The following RBFOX1 variants were observed in gnomAD, a reference collection of about 807,000 sequenced individuals.
The protein encoded by RBFOX1 is RNA binding protein fox-1 homolog 1.
In RBFOX1, 8 loss-of-function variants were observed where a neutral mutation model predicts 57.7. That is an observed-to-expected ratio of 0.14 (90% CI 0.08 to 0.25). The LOEUF is 0.25. RBFOX1 is among the 10% of genes least tolerant of loss of function. The pLI, the probability that RBFOX1 is intolerant of heterozygous loss-of-function variation, is 1.00. For synonymous variants in RBFOX1, 326 were observed against 222.4 expected, an observed-to-expected ratio of 1.47 and a Z score of -4.15; for missense variants, 611 against 548.5, an observed-to-expected ratio of 1.11 and a Z score of -1.14.
chr16:7,313,386 TCTCCATTTAGAGTACGTGACTCAGGATTC>T (rs1191241545), intron 4 of RBFOX1, among the ~76,000 whole-genome samples: 5 of 151,864 alleles, frequency 3.3e-5, no homozygotes, highest in Non-Finnish European at 7.4e-5. Context: ...CCACTGGGGG[TCTCCATTTAGAGTACGTGACTCAGGATTC>T]CTGAAGACTT....
intron 2 of RBFOX1, among the ~76,000 whole-genome samples, chr16:6,404,544 A>G (rs1157322734): frequency 1.3e-5 from 2 of 152,084 alleles, no homozygotes; most frequent in Non-Finnish European, 2.9e-5. Flanking sequence ...CTACTCTAAT[A>G]TTTCATGCCA....
intron 3 of RBFOX1, among the ~76,000 whole-genome samples, chr16:5,727,304 A>T (rs554025305): frequency 6.6e-6 from 1 of 152,048 alleles, no homozygotes; most frequent in South Asian, 2.1e-4. Flanking sequence ...AACAAATAAA[A>T]CCATGATGTG....
intron 3 of RBFOX1, among the ~76,000 whole-genome samples, chr16:7,003,516 T>C (rs1309817596): frequency 6.6e-6 from 1 of 151,348 alleles, no homozygotes; most frequent in Non-Finnish European, 1.5e-5. Context: ...CCCTGTTAAA[T>C]CCTGCTCTCA....
At chr16:6,223,358 A>G (rs1316321948) in intron 1 of RBFOX1, among the ~76,000 whole-genome samples, 1 of 148,398 alleles carries the variant, frequency 6.7e-6, no homozygotes, top group African/African-American at 2.5e-5. Flanking sequence ...CCTCTCCAGC[A>G]CCTGTTGTTT....
intron 2 of RBFOX1, among the ~76,000 whole-genome samples, chr16:6,600,802 A>G (rs1477540717): frequency 6.6e-6 from 1 of 152,042 alleles, no homozygotes; most frequent in Non-Finnish European, 1.5e-5. Flanking sequence ...GGACATAGTC[A>G]ATGTAAGAAA....
At chr16:5,818,522 T>C (rs2342745) in intron 3 of RBFOX1, among the ~76,000 whole-genome samples, 102,178 of 152,118 alleles carry the variant, frequency 0.67, 34,452 homozygotes, top group South Asian at 0.7. Context: ...CCTTCTGAAA[T>C]CCGTCTCGGA....
chr16:6,958,092 G>A (rs984057211), intron 3 of RBFOX1, among the ~76,000 whole-genome samples: 2 of 150,498 alleles, frequency 1.3e-5, no homozygotes, highest in East Asian at 1.9e-4. Context: ...TAAAGGCAGC[G>A]GCTTGTGAGC....
At chr16:5,819,906 C>G (rs1292678660) in intron 3 of RBFOX1, among the ~76,000 whole-genome samples, 1 of 152,214 alleles carries the variant, frequency 6.6e-6, no homozygotes, top group Non-Finnish European at 1.5e-5. Flanking sequence ...TCACTCACCT[C>G]CGTTAGAGAG....
intron 2 of RBFOX1, among the ~76,000 whole-genome samples, chr16:6,554,793 G>C (rs530644367): frequency 8.1e-5 from 12 of 148,216 alleles, no homozygotes; most frequent in Non-Finnish European, 1.5e-4. Context: ...CACACACACA[G>C]ACACACACAG....
At chr16:7,330,995 T>C (rs1004406717) in intron 4 of RBFOX1, among the ~76,000 whole-genome samples, 3 of 152,150 alleles carry the variant, frequency 2.0e-5, no homozygotes, top group Admixed American at 6.5e-5. Flanking sequence ...GCAGCTGTTA[T>C]GGGAGCTTTT....
chr16:7,174,036 T>A (rs563556555), intron 4 of RBFOX1, among the ~76,000 whole-genome samples: 7 of 152,196 alleles, frequency 4.6e-5, no homozygotes, highest in Admixed American at 1.3e-4. Flanking sequence ...TAAACAAATA[T>A]TTATTGAGCA....
At chr16:5,982,372 C>A (rs1185331638) in intron 4 of RBFOX1, among the ~76,000 whole-genome samples, 1 of 151,946 alleles carries the variant, frequency 6.6e-6, no homozygotes, top group Non-Finnish European at 1.5e-5. Context: ...CTTCTGGGTT[C>A]AAGCAGTTTT....
intron 4 of RBFOX1, among the ~76,000 whole-genome samples, chr16:7,084,971 T>C (rs566389357): frequency 1.4e-4 from 21 of 152,266 alleles, no homozygotes; most frequent in South Asian, 8.3e-4. Context: ...TCTGTCTGTC[T>C]GTCTGTCCAT....
At chr16:5,814,412 G>C (rs1347860040) in intron 3 of RBFOX1, among the ~76,000 whole-genome samples, 1 of 152,142 alleles carries the variant, frequency 6.6e-6, no homozygotes, top group African/African-American at 2.4e-5. Context: ...CTCTTCCGAA[G>C]AATTATACCC....
chr16:5,670,880 G>C (rs1377088233), intron 3 of RBFOX1, among the ~76,000 whole-genome samples: 3 of 152,158 alleles, frequency 2.0e-5, no homozygotes, highest in Admixed American at 2.0e-4. Flanking sequence ...TCTCACTCCA[G>C]CCCTGAAAGG....
chr16:6,592,233 G>A (rs111952820), intron 2 of RBFOX1, among the ~76,000 whole-genome samples: 2,035 of 152,270 alleles, frequency 0.013, 16 homozygotes, highest in Non-Finnish European at 0.016. Flanking sequence ...ACCAGCCATT[G>A]GGCTTTCTTT....
chr16:6,057,704 G>C (rs1245210433), intron 1 of RBFOX1, among the ~76,000 whole-genome samples: 1 of 152,006 alleles, frequency 6.6e-6, no homozygotes, highest in Non-Finnish European at 1.5e-5. Context: ...TGAAGATGTT[G>C]GTGTCCTTGG....
At chr16:6,882,464 C>T (rs143395845) in intron 3 of RBFOX1, among the ~76,000 whole-genome samples, 8 of 152,156 alleles carry the variant, frequency 5.3e-5, no homozygotes, top group East Asian at 1.9e-4. Context: ...CATGGTGGTA[C>T]GTGCTTGTAA....
At chr16:7,088,280 A>C (rs1475314529) in intron 4 of RBFOX1, among the ~76,000 whole-genome samples, 1 of 152,190 alleles carries the variant, frequency 6.6e-6, no homozygotes, top group East Asian at 1.9e-4. Context: ...TCATTTAATT[A>C]CCAAGAATGA....
Sources: gnomAD v4.1 joint callset for allele counts (sites outside exome capture counted in the v4.1 genomes callset) on GRCh38, gnomAD v4.1.1 for gene constraint, MANE v1.5 for transcripts, NCBI Gene and HGNC (gene_info 2026-07-23, HGNC 2026-07-21) for gene names.